LUZP2: variants seen among roughly 807,000 people sequenced by gnomAD.
LUZP2 encodes the protein leucine zipper protein 2.
A neutral mutation model predicts 51.6 loss-of-function variants in LUZP2; 52 were observed. That is an observed-to-expected ratio of 1.01 (90% CI 0.81 to 1.27). LUZP2 has a LOEUF of 1.27. LUZP2 is among the 50% of genes most tolerant of loss of function. The probability of loss-of-function intolerance (pLI) is 0.00; values close to 1 mark genes in which losing one functional copy is unlikely to be tolerated. For synonymous variants in LUZP2, 154 were observed against 137.3 expected (o/e 1.12, Z -0.85); for missense variants, 436 against 395.4 (o/e 1.10, Z -0.87).
intron 5 of LUZP2, among the ~76,000 whole-genome samples, chr11:24,789,978 C>T (rs1329174743): frequency 3.3e-5 from 5 of 152,190 alleles, no homozygotes; most frequent in Admixed American, 6.5e-5. Flanking sequence ...GCTTTCTCAA[C>T]TTATGCTGAA....
intron 1 of LUZP2, among the ~76,000 whole-genome samples, chr11:24,687,172 A>G (rs1489487598): frequency 6.6e-6 from 1 of 152,142 alleles, no homozygotes; most frequent in Non-Finnish European, 1.5e-5. Flanking sequence ...TAACATTTTG[A>G]TTTAAAATGT....
chr11:24,829,103 T>C (rs1324390055), intron 5 of LUZP2, among the ~76,000 whole-genome samples: 2 of 152,172 alleles, frequency 1.3e-5, no homozygotes, highest in Non-Finnish European at 2.9e-5. Context: ...CCAACTATTT[T>C]ATTCCCTCTG....
At chr11:24,953,917 G>A (rs1855145223) in intron 7 of LUZP2, among the ~76,000 whole-genome samples, 1 of 151,904 alleles carries the variant, frequency 6.6e-6, no homozygotes. Flanking sequence ...ACTATAACAA[G>A]TACAGATGGA....
intron 1 of LUZP2, among the ~76,000 whole-genome samples, chr11:24,588,740 C>A (rs1052283029): frequency 2.6e-5 from 4 of 151,848 alleles, no homozygotes; most frequent in African/African-American, 4.8e-5. Context: ...TCCTTAATAA[C>A]AATTTTACTT....
intron 7 of LUZP2, among the ~76,000 whole-genome samples, chr11:24,941,062 C>T (rs183137190): frequency 3.3e-5 from 5 of 152,184 alleles, no homozygotes; most frequent in Admixed American, 3.3e-4. Context: ...TTTACTGTTG[C>T]GTTTAGATAG....
At chr11:24,959,900 C>T (rs1014472707) in intron 7 of LUZP2, among the ~76,000 whole-genome samples, 8 of 152,094 alleles carry the variant, frequency 5.3e-5, no homozygotes, top group African/African-American at 1.7e-4. Flanking sequence ...TCATAGATAG[C>T]TCTTATTATT....
Position 24,810,052 on chromosome 11 carries a change from C to T in LUZP2, c.396+46744C>T, listed in dbSNP as rs1413586789. 2.6e-5 allele frequency among the ~76,000 whole-genome samples: 4 copies of T among 152,096 alleles called. 1 individual carries two copies. Among genetic ancestry groups the T allele is most frequent in the Admixed American group, 1.3e-4 (2 of 15,272 alleles). On this transcript the variant is annotated intron_variant, in intron 5 of 11. Coordinates refer to ENST00000336930, the MANE Select transcript of LUZP2 (RefSeq NM_001009909.4). The stretch of plus-strand genomic sequence containing the variant: ...CAACCTGCATGTAACTGCAGAGGAG[C>T]GGTTATGTTTATAAGTAGTTGTGTT...
At chr11:24,798,342 C>G (rs1297775772) in intron 5 of LUZP2, among the ~76,000 whole-genome samples, 1 of 151,966 alleles carries the variant, frequency 6.6e-6, no homozygotes, top group African/African-American at 2.4e-5. Context: ...GGACTAAAAG[C>G]ACACACCACC....
At chr11:24,578,150 GC>G (rs1852720033) in intron 1 of LUZP2, among the ~76,000 whole-genome samples, 1 of 151,784 alleles carries the variant, frequency 6.6e-6, no homozygotes, top group African/African-American at 2.4e-5. Flanking sequence ...AGCTTTTTCA[GC>G]TTACTTTTTA....
chr11:24,797,159 A>G (rs1849570139), intron 5 of LUZP2, among the ~76,000 whole-genome samples: 1 of 152,200 alleles, frequency 6.6e-6, no homozygotes, highest in Admixed American at 6.5e-5. Flanking sequence ...TCAAACACAT[A>G]AGATAATAAG....
intron 10 of LUZP2, among the ~76,000 whole-genome samples, chr11:25,053,250 CATT>C (rs751534991): frequency 7.9e-5 from 12 of 152,038 alleles, no homozygotes; most frequent in Non-Finnish European, 1.6e-4. Flanking sequence ...ATTACATCAT[CATT>C]ATCAAGAAAG....
intron 4 of LUZP2, among the ~76,000 whole-genome samples, chr11:24,747,404 A>G (rs1185483735): frequency 6.6e-6 from 1 of 152,074 alleles, no homozygotes; most frequent in Non-Finnish European, 1.5e-5. Context: ...TGAGCCATCT[A>G]TGGGCCTCTC....
intron 1 of LUZP2, among the ~76,000 whole-genome samples, chr11:24,537,279 A>C (rs776156154): frequency 5.3e-5 from 8 of 151,896 alleles, no homozygotes; most frequent in Non-Finnish European, 1.0e-4. Flanking sequence ...TTCAATTTTT[A>C]AAAAATGCAA....
At chr11:24,812,423 C>G (rs573303448) in intron 5 of LUZP2, among the ~76,000 whole-genome samples, 1 of 152,276 alleles carries the variant, frequency 6.6e-6, no homozygotes, top group East Asian at 1.9e-4. Context: ...CATATTCTAA[C>G]AACTCAAGCC....
chr11:24,549,944 T>A (rs1851676474), intron 1 of LUZP2, among the ~76,000 whole-genome samples: 1 of 152,156 alleles, frequency 6.6e-6, no homozygotes, highest in East Asian at 1.9e-4. Flanking sequence ...GACACGACCA[T>A]CATGTCCTAG....
chr11:24,571,667 T>C (rs766329675), intron 1 of LUZP2, among the ~76,000 whole-genome samples: 1 of 152,066 alleles, frequency 6.6e-6, no homozygotes, highest in African/African-American at 2.4e-5. Context: ...TCAAATGACT[T>C]AATCGCTTAA....
intron 1 of LUZP2, among the ~76,000 whole-genome samples, chr11:24,713,175 C>A (rs180750440): frequency 2.4e-4 from 36 of 152,228 alleles, no homozygotes; most frequent in Admixed American, 2.1e-3. Flanking sequence ...TGTGTCTGAA[C>A]AAGAGTGACT....
intron 5 of LUZP2, among the ~76,000 whole-genome samples, chr11:24,831,186 A>G (rs1850693309): frequency 6.6e-6 from 1 of 152,184 alleles, no homozygotes; most frequent in Admixed American, 6.5e-5. Flanking sequence ...TATCATCTCT[A>G]GCAGTAGAAA....
At chr11:24,595,107 C>T (rs1295030493) in intron 1 of LUZP2, among the ~76,000 whole-genome samples, 3 of 150,640 alleles carry the variant, frequency 2.0e-5, no homozygotes, top group Non-Finnish European at 4.4e-5. Flanking sequence ...CTGGGAATTG[C>T]TGTGCTTCTC....
Sources: allele counts gnomAD v4.1 joint callset (sites outside exome capture counted in the v4.1 genomes callset), GRCh38; gene constraint gnomAD v4.1.1; transcripts MANE v1.5; gene names NCBI Gene and HGNC (gene_info 2026-07-23, HGNC 2026-07-21).